The following MEGF11 variants were observed in gnomAD, a reference collection of about 807,000 sequenced individuals.
MEGF11 encodes multiple epidermal growth factor-like domains protein 11.
Under a neutral mutation model 146.6 loss-of-function variants are expected in MEGF11, and 126 were observed. The ratio of observed to expected loss-of-function variants is 0.86; its 90% CI spans 0.74 to 1.00. The LOEUF (loss-of-function observed/expected upper bound fraction) is 1.00. Among genes scored for constraint, MEGF11 ranks in the 50% least tolerant of loss-of-function variants. The probability of loss-of-function intolerance (pLI) is 0.00; values close to 1 mark genes in which losing one functional copy is unlikely to be tolerated. For synonymous variants in MEGF11, 532 were observed against 583.4 expected (o/e 0.91, Z 1.27); for missense variants, 1,509 against 1,521.2 (o/e 0.99, Z 0.13).
At chr15:65,962,356 C>T (rs1043200308) in intron 9 of MEGF11, among the ~76,000 whole-genome samples, 2 of 152,168 alleles carry the variant, frequency 1.3e-5, no homozygotes, top group African/African-American at 2.4e-5. Flanking sequence ...CTGGGACATC[C>T]GGCAATGTCT....
intron 1 of MEGF11, among the ~76,000 whole-genome samples, chr15:66,181,406 A>C (rs552825408): frequency 6.6e-6 from 1 of 152,086 alleles, no homozygotes; most frequent in Non-Finnish European, 1.5e-5. Context: ...AGATTTATGC[A>C]CACTTGAATG....
In MEGF11 at chr15:65,947,332, T is replaced by G. The variant is rs568118224; in HGVS notation, c.1287+10215A>C. 7.2e-5 allele frequency among the ~76,000 whole-genome samples: 11 copies of G among 152,244 alleles called. No homozygotes were observed. The South Asian group carries it at 2.3e-3, about 32-fold the overall frequency. On this transcript the variant is annotated intron_variant, in intron 10 of 25. Coordinates refer to ENST00000395614, the MANE Select transcript of MEGF11 (RefSeq NM_001385028.1). ...GCGCAGGGCTAGCAGGAGCTTTCTT[T>G]GTTCCAGGCCTGCAGATTTTGTGGG...
chr15:65,962,600 G>C (rs750257078), intron 9 of MEGF11, among the ~76,000 whole-genome samples: 4 of 152,202 alleles, frequency 2.6e-5, no homozygotes, highest in Non-Finnish European at 5.9e-5. Flanking sequence ...CCAAGAGAAA[G>C]GGAGAAATAT....
chr15:66,211,637 G>A (rs2091456331), intron 1 of MEGF11, among the ~76,000 whole-genome samples: 1 of 151,846 alleles, frequency 6.6e-6, no homozygotes, highest in Admixed American at 6.6e-5. Context: ...GGCAGAGGTG[G>A]GAAGCCAGCC....
chr15:66,019,035 CACG>C (rs975229855), intron 5 of MEGF11, among the ~76,000 whole-genome samples: 9 of 152,210 alleles, frequency 5.9e-5, no homozygotes, highest in Non-Finnish European at 1.2e-4. Flanking sequence ...GGCCCATCAC[CACG>C]ACTCCAGGCC....
At chr15:66,061,843 C>T (rs933210973) in intron 5 of MEGF11, among the ~76,000 whole-genome samples, 1 of 152,130 alleles carries the variant, frequency 6.6e-6, no homozygotes, top group Non-Finnish European at 1.5e-5. Flanking sequence ...CCCTATGTGG[C>T]CCAGGTTGAT....
intron 1 of MEGF11, among the ~76,000 whole-genome samples, chr15:66,139,470 C>T (rs1369267793): frequency 2.0e-5 from 3 of 152,014 alleles, no homozygotes; most frequent in Non-Finnish European, 2.9e-5. Flanking sequence ...GTCATGGGAG[C>T]CTGGGAAGAG....
chr15:65,907,531 G>A (rs572286225), intron 23 of MEGF11, among the ~76,000 whole-genome samples: 3 of 152,224 alleles, frequency 2.0e-5, no homozygotes, highest in Admixed American at 2.0e-4. Context: ...CTGACGTCAC[G>A]TGATCTGCCT....
intron 5 of MEGF11, among the ~76,000 whole-genome samples, chr15:66,019,238 A>AC: frequency 6.6e-6 from 1 of 152,252 alleles, no homozygotes; most frequent in African/African-American, 2.4e-5. Context: ...GAGGCCGCAG[A>AC]CAGCACTCCC....
intron 10 of MEGF11, among the ~76,000 whole-genome samples, chr15:65,932,102 C>T (rs1285825805): frequency 2.6e-5 from 4 of 152,160 alleles, no homozygotes; most frequent in South Asian, 2.1e-4. Context: ...ATAAGGGAGG[C>T]GGTCGAGGCT....
At position 65,916,822 on chromosome 15, in the gene MEGF11, G is replaced by T; in HGVS notation, c.2215+6C>A. 6.2e-7 allele frequency: 1 copy of T among 1,610,914 alleles called. No homozygotes were observed. The highest frequency in any genetic ancestry group is 8.5e-7 in the Non-Finnish European group (1 of 1,178,440). On this transcript the variant is annotated splice_donor_region_variant and intron_variant, in intron 17 of 25. Coordinates refer to ENST00000395614, the MANE Select transcript of MEGF11 (RefSeq NM_001385028.1). ...AGTGGCTGGGAGGCCAGGAGGTGGG[G>T]CTTACGCTGTGTGCAGAAGAGTCCA...
chr15:66,096,267 C>A (rs1342621168), intron 4 of MEGF11, among the ~76,000 whole-genome samples: 1 of 152,244 alleles, frequency 6.6e-6, no homozygotes, highest in African/African-American at 2.4e-5. Context: ...GAGAGCAGGA[C>A]CTTGATCCCT....
intron 9 of MEGF11, among the ~76,000 whole-genome samples, chr15:65,959,589 CAT>C (rs1267956254): frequency 6.6e-6 from 1 of 152,160 alleles, no homozygotes; most frequent in Non-Finnish European, 1.5e-5. Flanking sequence ...ACTCTGGTCT[CAT>C]AATTCCATTT....
intron 5 of MEGF11, among the ~76,000 whole-genome samples, chr15:66,060,906 G>T (rs2084877238): frequency 6.6e-6 from 1 of 152,212 alleles, no homozygotes; most frequent in Non-Finnish European, 1.5e-5. Context: ...AGCCTCTGTG[G>T]CTTGAAGCAG....
chr15:66,101,675 T>C (rs1436569903), intron 4 of MEGF11, among the ~76,000 whole-genome samples: 1 of 152,206 alleles, frequency 6.6e-6, no homozygotes. Context: ...CCTGAACAAA[T>C]GAGTATCTGA....
chr15:66,051,801 T>C (rs1469530929), intron 5 of MEGF11, among the ~76,000 whole-genome samples: 2 of 152,212 alleles, frequency 1.3e-5, no homozygotes, highest in African/African-American at 4.8e-5. Context: ...TCGGCATCTC[T>C]GGCACCTGTT....
intron 5 of MEGF11, chr15:66,040,313 G>A (rs1344829253): frequency 2.6e-5 from 4 of 154,886 alleles, no homozygotes; most frequent in African/African-American, 9.6e-5. Flanking sequence ...TTACAGGTTC[G>A]ATCTTTGGCC....
chr15:65,929,804 G>GGC lies in MEGF11; in HGVS notation c.1486_1487dup (p.Asn497ProfsTer9), dbSNP rs1161379431. ...CTATGGGGCTGCAGGCTGCCCCATT[G>GGC]GCACAGGTGCAGCTCTCGTTGCAGT... On this transcript the variant is annotated frameshift_variant, in exon 12 of 26. Transcript: ENST00000395614. LOFTEE classifies it high-confidence loss of function. 2.5e-6 allele frequency: 4 copies of GGC among 1,574,282 alleles called. No individual in the cohort carries two copies. In the African/African-American group the frequency reaches 5.4e-5, roughly 21 times the overall value.
At chr15:66,042,096 GATTT>G (rs767295064) in intron 5 of MEGF11, among the ~76,000 whole-genome samples, 4 of 119,712 alleles carry the variant, frequency 3.3e-5, no homozygotes, top group Non-Finnish European at 6.7e-5. Context: ...AGAATGCACA[GATTT>G]CTTTCCCTTT....
Sources: gnomAD v4.1 joint callset for allele counts (sites outside exome capture counted in the v4.1 genomes callset) on GRCh38, gnomAD v4.1.1 for gene constraint, MANE v1.5 for transcripts, NCBI Gene and HGNC (gene_info 2026-07-23, HGNC 2026-07-21) for gene names.